The following ANKRD31 variants were observed in gnomAD, a reference collection of about 807,000 sequenced individuals.
ANKRD31 encodes the protein ankyrin repeat domain-containing protein 31.
ANKRD31 carries 147 observed loss-of-function variants against 186.0 expected under a neutral mutation model. The observed-to-expected ratio is 0.79, with a 90% CI of 0.69 to 0.91. ANKRD31 has a LOEUF of 0.91. Ranked by LOEUF, ANKRD31 falls within the 40% of genes least tolerant of loss-of-function variation. The probability of loss-of-function intolerance (pLI) is 0.00; values close to 1 mark genes in which losing one functional copy is unlikely to be tolerated. For synonymous variants in ANKRD31, 673 were observed against 736.4 expected, an observed-to-expected ratio of 0.91 and a Z score of 1.39; for missense variants, 1,986 against 2,148.8, an observed-to-expected ratio of 0.92 and a Z score of 1.50.
At chr5:75,186,228 A>G (rs965888466) in intron 10 of ANKRD31, among the ~76,000 whole-genome samples, 4 of 152,198 alleles carry the variant, frequency 2.6e-5, no homozygotes, top group Non-Finnish European at 4.4e-5. Flanking sequence ...AACTTATTTA[A>G]AAAAAGAAAT....
intron 17 of ANKRD31, among the ~76,000 whole-genome samples, chr5:75,136,602 G>A (rs906660565): frequency 6.6e-6 from 1 of 152,202 alleles, no homozygotes; most frequent in Non-Finnish European, 1.5e-5. Flanking sequence ...GGAAGACAGT[G>A]TGGCGATTCC....
intron 23 of ANKRD31, among the ~76,000 whole-genome samples, chr5:75,086,805 T>C (rs920717574): frequency 2.6e-5 from 4 of 152,182 alleles, no homozygotes; most frequent in Admixed American, 2.0e-4. Context: ...TCCTTAGAAA[T>C]TAGTCTATGC....
In ANKRD31 at chr5:75,147,429, A is replaced by G; in HGVS notation, c.1982T>C (p.Val661Ala). The G allele has an allele frequency of 6.6e-7, 1 of 1,517,394 alleles. No individual in the cohort carries two copies. Among genetic ancestry groups the G allele is most frequent in the Non-Finnish European group, 8.8e-7 (1 of 1,139,880 alleles). 94.0% of individuals were successfully genotyped at this position (1,517,394 alleles called of 1,614,324 possible). A position where few individuals can be genotyped will look rare whatever the true frequency, so the allele number is the denominator to read the frequency against. Residue 661 changes from valine to alanine, a missense_variant, in exon 14 of 26, where the codon GTA becomes GCA. Physicochemically the swap from Val to Ala is moderately conservative, Grantham distance 64. Transcript: ENST00000506364. ...CGCTTTGCTTCCTTTATTGACTTTT[A>G]CATGTTCCAGCTTCTGTCTGTTGGA... The part of the protein sequence containing the change: ...ENSNRQKLEH[V>A]KVNKGSKASL...
At chr5:75,109,612 T>A (rs1434886566) in intron 20 of ANKRD31, among the ~76,000 whole-genome samples, 1 of 152,170 alleles carries the variant, frequency 6.6e-6, no homozygotes, top group East Asian at 1.9e-4. Context: ...AATTGGTATC[T>A]GGCTTCCTTC....
intron 10 of ANKRD31, among the ~76,000 whole-genome samples, chr5:75,172,021 AAC>A (rs1753367273): frequency 6.6e-6 from 1 of 151,896 alleles, no homozygotes; most frequent in Non-Finnish European, 1.5e-5. Context: ...TAAAATCCTT[AAC>A]AAAATATTAG....
At chr5:75,163,513 G>A (rs1466045100) in intron 11 of ANKRD31, among the ~76,000 whole-genome samples, 2 of 152,162 alleles carry the variant, frequency 1.3e-5, no homozygotes, top group African/African-American at 4.8e-5. Context: ...TTCTCTTAGG[G>A]TGACTGAATA....
At chr5:75,184,028 T>A (rs1270645669) in intron 10 of ANKRD31, among the ~76,000 whole-genome samples, 1 of 151,636 alleles carries the variant, frequency 6.6e-6, no homozygotes, top group East Asian at 1.9e-4. Flanking sequence ...AATGAGAAGA[T>A]CATCATATTG....
chr5:75,076,367 T>G (rs561273810), intron 25 of ANKRD31, among the ~76,000 whole-genome samples: 1 of 152,172 alleles, frequency 6.6e-6, no homozygotes, highest in African/African-American at 2.4e-5. Context: ...AATAATTGGA[T>G]AGAATGACTC....
rs1029212014 is a variant in ANKRD31 at position 75,084,378 on chromosome 5, C to A, written c.5473-4G>T. 5.9e-6 allele frequency: 9 copies of A among 1,531,812 alleles called. No homozygotes were observed. The highest frequency in any genetic ancestry group is 3.9e-5 in the Admixed American group (2 of 50,962). The allele number at this position is 1,531,812 out of a possible 1,614,324, so 94.9% of individuals were successfully genotyped here. On this transcript the variant is annotated splice_region_variant and splice_polypyrimidine_tract_variant and intron_variant, in intron 23 of 25. Coordinates refer to ENST00000506364, the MANE Select transcript of ANKRD31 (RefSeq NM_001372053.1). ...GCTCCTTCCCAAGATACGTTACCTG[C>A]ACATAATTAAGCACAAAATTTATAA... is the stretch of plus-strand genomic sequence containing the variant.
chr5:75,148,542 C>T (rs552196424), intron 13 of ANKRD31, 34 bp downstream of exon 13: 360 of 1,405,148 alleles, frequency 2.6e-4, no homozygotes, highest in Non-Finnish European at 3.2e-4. Context: ...AGTTACATCC[C>T]TATAAAAATG....
At position 75,116,654 on chromosome 5, in the gene ANKRD31, C is replaced by T. The variant is rs1388284762; in HGVS notation, c.4067G>A (p.Arg1356Lys). ...NEKIPAVRSK[R>K]HKQCFCDDGK... ...ATCATCACAAAAACACTGTTTATGTCTTTTAGACCGGACAGCAGGAATTTT... is the reference window on the plus strand; with the variant it reads ...ATCATCACAAAAACACTGTTTATGTTTTTTAGACCGGACAGCAGGAATTTT... The change falls in exon 19 of 26, where the codon AGA (arginine) becomes AAA (lysine). Residue 1356 changes from arginine to lysine, a missense_variant. Transcript: ENST00000506364. The T allele has an allele frequency of 2.1e-6, 3 of 1,436,908 alleles. No homozygotes were observed. Among genetic ancestry groups the T allele is most frequent in the Non-Finnish European group, 2.8e-6 (3 of 1,087,234 alleles). 89.0% of individuals were successfully genotyped at this position (1,436,908 alleles called of 1,614,324 possible).
In ANKRD31 at chr5:75,138,966, TCCTA is replaced by T; in HGVS notation, c.3609_3612del (p.Arg1204SerfsTer14). On this transcript the variant is annotated frameshift_variant, in exon 16 of 26. Coordinates refer to ENST00000506364, the MANE Select transcript of ANKRD31 (RefSeq NM_001372053.1). LOFTEE classifies it high-confidence loss of function. ...TCCCCTCTGGCATTCCTCTTGTTGATCCTACCTGCTTTCATTCCTGTAAATTTGC... is the reference window on the plus strand; with the variant it reads ...TCCCCTCTGGCATTCCTCTTGTTGATCCTGCTTTCATTCCTGTAAATTTGC... The T allele has an allele frequency of 6.5e-7, 1 of 1,536,730 alleles. No individual in the cohort carries two copies. Among genetic ancestry groups the T allele is most frequent in the Admixed American group, 2.0e-5 (1 of 50,970 alleles).
At chr5:75,192,636 G>T in intron 9 of ANKRD31, 31 bp downstream of exon 9, 1 of 1,426,852 alleles carries the variant, frequency 7.0e-7, no homozygotes, top group East Asian at 2.5e-5. Context: ...TTTTGTAAAA[G>T]AAATAGAAAA....
chr5:75,104,291 TA>T lies in ANKRD31; in HGVS notation c.5267del (p.Ile1756LysfsTer4), dbSNP rs1444763668. 10 of 1,535,150 alleles carry T rather than the reference TA, an allele frequency of 6.5e-6. No individual in the cohort carries two copies. Among genetic ancestry groups the T allele is most frequent in the Non-Finnish European group, 7.9e-6 (9 of 1,145,996 alleles). On this transcript the variant is annotated frameshift_variant, in exon 22 of 26. Coordinates refer to ENST00000506364, the MANE Select transcript of ANKRD31 (RefSeq NM_001372053.1). LOFTEE classifies it high-confidence loss of function. The part of the protein sequence containing the change: ...STAPKKKCIQ[I>X]KDLILLGRIN... ...TTCTTCCTAGTAATATCAAATCTTT[TA>T]TCTGAATACATTTCTTTTTAGGAGC...
intron 17 of ANKRD31, among the ~76,000 whole-genome samples, chr5:75,122,754 A>G (rs1748904034): frequency 6.6e-6 from 1 of 152,176 alleles, no homozygotes; most frequent in African/African-American, 2.4e-5. Flanking sequence ...AAAACTCTCA[A>G]CAAACTAGGC....
chr5:75,073,018 A>T (rs1744366189), intron 25 of ANKRD31, among the ~76,000 whole-genome samples: 1 of 152,160 alleles, frequency 6.6e-6, no homozygotes. Flanking sequence ...ATCTCATTTG[A>T]TCCTCTTGAG....
At chr5:75,198,277 T>C (rs147624187) in intron 6 of ANKRD31, among the ~76,000 whole-genome samples, 1 of 152,282 alleles carries the variant, frequency 6.6e-6, no homozygotes, top group East Asian at 1.9e-4. Context: ...TGCTGGCCTG[T>C]CTCACAATAA....
intron 11 of ANKRD31, among the ~76,000 whole-genome samples, chr5:75,155,551 T>C (rs1752109058): frequency 6.6e-6 from 1 of 152,166 alleles, no homozygotes; most frequent in Non-Finnish European, 1.5e-5. Context: ...TCCCAGAGAC[T>C]ATCTTAGTAT....
At chr5:75,233,114 G>C (rs1200025680) in intron 1 of ANKRD31, among the ~76,000 whole-genome samples, 1 of 150,364 alleles carries the variant, frequency 6.7e-6, no homozygotes, top group Non-Finnish European at 1.5e-5. Flanking sequence ...CCAGGCTGGA[G>C]TGCAGTGATA....
Sources: gnomAD v4.1 joint callset for allele counts (sites outside exome capture counted in the v4.1 genomes callset) on GRCh38, gnomAD v4.1.1 for gene constraint, MANE v1.5 for transcripts, NCBI Gene and HGNC (gene_info 2026-07-23, HGNC 2026-07-21) for gene names.